The following BAZ2B variants were observed in gnomAD, a reference collection of about 807,000 sequenced individuals.
BAZ2B encodes bromodomain adjacent to zinc finger domain protein 2B.
In BAZ2B, 91 loss-of-function variants were observed where a neutral mutation model predicts 246.0. The observed-to-expected ratio is 0.37, with a 90% CI of 0.31 to 0.44. BAZ2B has a LOEUF of 0.44. Ranked by LOEUF, BAZ2B falls within the 20% of genes least tolerant of loss-of-function variation. BAZ2B has a pLI of 1.00. For synonymous variants in BAZ2B, 855 were observed against 860.0 expected, an observed-to-expected ratio of 0.99 and a Z score of 0.10; for missense variants, 2,332 against 2,533.7, an observed-to-expected ratio of 0.92 and a Z score of 1.71.
Position 159,389,406 on chromosome 2 carries a change from T to A in BAZ2B, c.3155A>T (p.Glu1052Val). The A allele has an allele frequency of 6.2e-7, 1 of 1,612,590 alleles. No individual in the cohort carries two copies. The highest frequency in any genetic ancestry group is 8.5e-7 in the Non-Finnish European group (1 of 1,179,112). The part of the protein sequence containing the change: ...KERKLEQRRL[E>V]LEMAKELKKP... Reference sequence around the variant, plus strand: ...CTTTAGTTCCTTTGCCATTTCTAATTCTAATCTTCGCTGCTCTAGTTTACG... The same window carrying A: ...CTTTAGTTCCTTTGCCATTTCTAATACTAATCTTCGCTGCTCTAGTTTACG... Residue 1052 changes from glutamate (E) to valine (V), a missense_variant, in exon 21 of 37, where the codon GAA becomes GTA. Coordinates refer to ENST00000392783, the MANE Select transcript of BAZ2B (RefSeq NM_013450.4).
In BAZ2B at chr2:159,373,093, G is replaced by A; in HGVS notation, c.4165C>T (p.Leu1389Phe). 6.2e-7 allele frequency: 1 copy of A among 1,614,016 alleles called. No homozygotes were observed. Among genetic ancestry groups the A allele is most frequent in the South Asian group, 1.1e-5 (1 of 91,082 alleles). Residue 1389 changes from leucine to phenylalanine, a missense_variant, in exon 27 of 37, where the codon CTT (leucine) becomes TTT (phenylalanine). Physicochemically the swap from Leu to Phe is conservative, Grantham distance 22. Transcript: ENST00000392783. ...QDRYRRRYWI[L>F]PQCGGIFVEG... ...ACAAAAATCCCCCCACATTGGGGAA[G>A]AATCCAGTACCGGCGTCTGTAACGA...
the BAZ2B span, among the ~76,000 whole-genome samples, chr2:159,702,972 AG>A: frequency 6.6e-6 from 1 of 152,106 alleles, no homozygotes; most frequent in East Asian, 1.9e-4. Flanking sequence ...TGAACCCAGG[AG>A]GTGGAGCTTG....
At chr2:159,388,904 A>C (rs1198249730) in intron 21 of BAZ2B, among the ~76,000 whole-genome samples, 3 of 152,032 alleles carry the variant, frequency 2.0e-5, no homozygotes, top group Non-Finnish European at 4.4e-5. Flanking sequence ...CCGCTACAAA[A>C]AATTAAAATA....
At chr2:159,661,641 T>C in the BAZ2B span, among the ~76,000 whole-genome samples, 1 of 152,226 alleles carries the variant, frequency 6.6e-6, no homozygotes, top group South Asian at 2.1e-4. Flanking sequence ...CTATTTGATG[T>C]GTAGTGATAT....
At chr2:159,450,646 A>C (rs2074948449) in intron 4 of BAZ2B, among the ~76,000 whole-genome samples, 1 of 152,250 alleles carries the variant, frequency 6.6e-6, no homozygotes. Flanking sequence ...TTGTTGACAA[A>C]ATGAAAAATA....
At chr2:159,478,462 T>C in intron 3 of BAZ2B, 113 bp downstream of exon 3, 2 of 1,189,056 alleles carry the variant, frequency 1.7e-6, no homozygotes, top group Non-Finnish European at 2.3e-6. Flanking sequence ...ACCTAGCCTT[T>C]ATTCAACAGG....
chr2:159,635,788 A>G, the BAZ2B span, among the ~76,000 whole-genome samples: 1 of 152,210 alleles, frequency 6.6e-6, no homozygotes, highest in Non-Finnish European at 1.5e-5. Context: ...TATCTAAAGC[A>G]TTGTTTAGAT....
At chr2:159,351,040 TA>T (rs2058505627) in intron 27 of BAZ2B, among the ~76,000 whole-genome samples, 1 of 152,104 alleles carries the variant, frequency 6.6e-6, no homozygotes, top group Non-Finnish European at 1.5e-5. Context: ...ACATGTACCC[TA>T]AAACTTAAAG....
intron 1 of BAZ2B, among the ~76,000 whole-genome samples, chr2:159,579,811 C>T (rs575995207): frequency 5.3e-5 from 8 of 152,272 alleles, no homozygotes; most frequent in Admixed American, 5.2e-4. Context: ...GAACCAAAGA[C>T]AAAAACCACA....
downstream of BAZ2B, among the ~76,000 whole-genome samples, chr2:159,316,638 C>T (rs189019344): frequency 5.3e-3 from 653 of 122,144 alleles, 4 homozygotes; most frequent in African/African-American, 0.019. Context: ...TGCAGTGAGC[C>T]GAGATTGCAC....
At chr2:159,362,843 G>T (rs1475818287) in intron 27 of BAZ2B, among the ~76,000 whole-genome samples, 3 of 152,068 alleles carry the variant, frequency 2.0e-5, no homozygotes, top group African/African-American at 7.2e-5. Context: ...AAATTGGTAG[G>T]GTGCACTAGA....
At position 159,337,006 on chromosome 2, in the gene BAZ2B, T is replaced by G. The variant is rs779377622; in HGVS notation, c.5732A>C (p.Gln1911Pro). The part of the protein sequence containing the change: ...RALSEARSAA[Q>P]VALCIQQLQK... ...TAATTGCTGAATGCACAGAGCTACCTGTGCAGCACTGCGAGCTTCTGATAA... is the reference window on the plus strand; with the variant it reads ...TAATTGCTGAATGCACAGAGCTACCGGTGCAGCACTGCGAGCTTCTGATAA... The change falls in exon 33 of 37, where the codon CAG (glutamine) becomes CCG (proline). Residue 1911 changes from glutamine (Q) to proline (P), a missense_variant. Coordinates refer to ENST00000392783, the MANE Select transcript of BAZ2B (RefSeq NM_013450.4). 6.2e-7 allele frequency: 1 copy of G among 1,611,172 alleles called. No homozygotes were observed. Among genetic ancestry groups the G allele is most frequent in the East Asian group, 2.2e-5 (1 of 44,848 alleles).
the BAZ2B span, among the ~76,000 whole-genome samples, chr2:159,660,323 C>T: frequency 2.6e-5 from 4 of 152,152 alleles, no homozygotes; most frequent in Admixed American, 6.6e-5. Context: ...AAATAATATT[C>T]CACTGTATAG....
chr2:159,386,533 C>T lies in BAZ2B; in HGVS notation c.3291G>A (p.Val1097=), dbSNP rs1381786430. Residue 1097 remains valine (V), a synonymous_variant, in exon 22 of 37, where the codon GTG becomes GTA. Transcript: ENST00000392783. Reference sequence around the variant, plus strand: ...CTTTACCAAAGTTTCGTAAGAACTGCACCACCATGAGACAGTCTGAAAATG... The same window carrying T: ...CTTTACCAAAGTTTCGTAAGAACTGTACCACCATGAGACAGTCTGAAAATG... The part of the protein sequence containing the change: ...GSTFSDCLMV[V]QFLRNFGKVL... 6.2e-7 allele frequency: 1 copy of T among 1,613,438 alleles called. No homozygotes were observed. Among genetic ancestry groups the T allele is most frequent in the African/African-American group, 1.3e-5 (1 of 74,848 alleles).
chr2:159,332,312 C>A (rs2064913099), intron 34 of BAZ2B, among the ~76,000 whole-genome samples: 1 of 131,912 alleles, frequency 7.6e-6, no homozygotes, highest in African/African-American at 2.7e-5. Context: ...CATAGCAAGA[C>A]CCTATCTCTC....
chr2:159,415,444 CAAAA>C (rs66504722), intron 13 of BAZ2B, among the ~76,000 whole-genome samples: 2 of 112,980 alleles, frequency 1.8e-5, no homozygotes, highest in Non-Finnish European at 3.6e-5. Flanking sequence ...GACTCCGTCT[CAAAA>C]AAAAAAAAAA....
chr2:159,481,802 CTG>C (rs2079265005), intron 2 of BAZ2B, among the ~76,000 whole-genome samples: 1 of 151,306 alleles, frequency 6.6e-6, no homozygotes, highest in South Asian at 2.1e-4. Flanking sequence ...AAAAAAAAGA[CTG>C]TGGAATTGCC....
At chr2:159,705,627 C>G in the BAZ2B span, among the ~76,000 whole-genome samples, 4 of 151,820 alleles carry the variant, frequency 2.6e-5, no homozygotes, top group African/African-American at 9.7e-5. Flanking sequence ...ATTGAGAAGA[C>G]AAAAAAATTA....
At chr2:159,386,700 C>T in intron 21 of BAZ2B, 93 bp from the exon 22 acceptor site, 1 of 1,359,750 alleles carries the variant, frequency 7.4e-7, no homozygotes, top group East Asian at 2.5e-5. Context: ...AAGCTGCTAC[C>T]TTTTTTCCCC....
Sources: allele counts gnomAD v4.1 joint callset (sites outside exome capture counted in the v4.1 genomes callset), GRCh38; gene constraint gnomAD v4.1.1; transcripts MANE v1.5; gene names NCBI Gene and HGNC (gene_info 2026-07-23, HGNC 2026-07-21).